Variants in TBC1D32 observed in about 807,000 individuals in gnomAD.
The protein encoded by TBC1D32 is TBC1 domain family member 32.
Under a neutral mutation model 170.3 loss-of-function variants are expected in TBC1D32, and 151 were observed. The ratio of observed to expected loss-of-function variants is 0.89; its 90% confidence interval spans 0.78 to 1.01. The LOEUF (loss-of-function observed/expected upper bound fraction) is 1.01, where lower values mean the gene tolerates loss of function less well. TBC1D32 is among the 50% of genes least tolerant of loss of function. TBC1D32 has a pLI of 0.00. For synonymous variants in TBC1D32, 498 were observed against 488.0 expected (o/e 1.02, Z -0.27); for missense variants, 1,464 against 1,457.1 (o/e 1.00, Z -0.08).
intron 24 of TBC1D32, among the ~76,000 whole-genome samples, chr6:121,150,917 G>A (rs944658058): frequency 1.1e-4 from 16 of 151,908 alleles, no homozygotes; most frequent in African/African-American, 3.9e-4. Context: ...AGTCTGGCTA[G>A]TGGTCTATCT....
chr6:121,254,047 T>C (rs1276408719), intron 17 of TBC1D32, among the ~76,000 whole-genome samples: 1 of 151,508 alleles, frequency 6.6e-6, no homozygotes, highest in African/African-American at 2.4e-5. Context: ...CATGGAATAC[T>C]ACTCAGTCAT....
intron 25 of TBC1D32, 28 bp downstream of exon 25, chr6:121,131,599 A>G (rs1737787042): frequency 2.5e-6 from 4 of 1,587,464 alleles, no homozygotes; most frequent in Non-Finnish European, 3.4e-6. Context: ...ATACATAAGA[A>G]AACCCACAAT....
intron 22 of TBC1D32, among the ~76,000 whole-genome samples, chr6:121,181,942 A>G (rs1420015087): frequency 1.3e-5 from 2 of 152,124 alleles, no homozygotes; most frequent in East Asian, 3.8e-4. Context: ...GGAAGTAGGG[A>G]GTAAAATGGT....
At chr6:121,226,956 G>T (rs1307143970) in intron 20 of TBC1D32, among the ~76,000 whole-genome samples, 1 of 147,308 alleles carries the variant, frequency 6.8e-6, no homozygotes, top group East Asian at 1.9e-4. Context: ...TAAAGTAGGG[G>T]TGTCCAATAT....
chr6:121,189,653 C>G (rs1285302764), intron 22 of TBC1D32, among the ~76,000 whole-genome samples: 2 of 151,992 alleles, frequency 1.3e-5, no homozygotes, highest in Non-Finnish European at 2.9e-5. Context: ...CTATACACAG[C>G]TGCATAGCAT....
In TBC1D32 at chr6:121,256,275, C is replaced by A. The variant is rs755465061; in HGVS notation, c.1744G>T (p.Ala582Ser). 27 of 1,611,490 alleles carry A rather than the reference C, an allele frequency of 1.7e-5. No homozygotes were observed. The highest frequency in any genetic ancestry group is 1.3e-5 in the Non-Finnish European group (15 of 1,178,820). ...MNSSEESPTG[A>S]HIIAQFSKKL... ...TTCGAAAACTGGGCAATTATATGAG[C>A]ACCTGTAGGACTAAAAGATGATACC... is the stretch of plus-strand genomic sequence containing the variant. Residue 582 changes from alanine to serine, a missense_variant, in exon 16 of 32, where the codon GCT becomes TCT. By Grantham distance (99) the Ala-to-Ser change is moderately conservative. This residue lies in a region of TBC1D32 where 1,363 missense variants were observed against 1,338.1 expected (regional missense o/e 1.02). Coordinates refer to ENST00000398212, the MANE Select transcript of TBC1D32 (RefSeq NM_152730.6).
intron 20 of TBC1D32, among the ~76,000 whole-genome samples, chr6:121,230,865 G>T (rs6914273): frequency 0.086 from 12,992 of 151,870 alleles, 576 homozygotes; most frequent in South Asian, 0.19. Flanking sequence ...AGTAGTGATT[G>T]CTGAGACTCT....
chr6:121,136,914 T>C (rs1452330402), intron 24 of TBC1D32, among the ~76,000 whole-genome samples: 5 of 152,172 alleles, frequency 3.3e-5, no homozygotes, highest in Non-Finnish European at 7.4e-5. Context: ...TACTAAAATA[T>C]GAGCAGTTAT....
intron 17 of TBC1D32, among the ~76,000 whole-genome samples, chr6:121,250,178 T>C (rs1798111529): frequency 6.6e-6 from 1 of 152,068 alleles, no homozygotes; most frequent in Admixed American, 6.6e-5. Flanking sequence ...GCTGGTACCA[T>C]TCCTTCTGCA....
intron 24 of TBC1D32, 72 bp from the exon 25 acceptor site, chr6:121,131,824 T>A: frequency 8.3e-7 from 1 of 1,208,402 alleles, no homozygotes; most frequent in South Asian, 1.6e-5. Context: ...ATGTTAACTA[T>A]GTAAACAGTT....
intron 26 of TBC1D32, among the ~76,000 whole-genome samples, chr6:121,117,257 C>T (rs992441290): frequency 6.6e-6 from 1 of 152,092 alleles, no homozygotes; most frequent in Non-Finnish European, 1.5e-5. Flanking sequence ...AAACAAACAT[C>T]GAACATCCAT....
At chr6:121,100,677 C>T (rs1777937099) in intron 30 of TBC1D32, among the ~76,000 whole-genome samples, 1 of 151,942 alleles carries the variant, frequency 6.6e-6, no homozygotes, top group African/African-American at 2.4e-5. Flanking sequence ...ATTAAAAGAA[C>T]TAGAGAAGCA....
At chr6:121,286,337 G>A (rs141419155) in intron 12 of TBC1D32, among the ~76,000 whole-genome samples, 10,174 of 152,250 alleles carry the variant, frequency 0.067, 624 homozygotes, top group Admixed American at 0.21. Context: ...ACTACGTGAC[G>A]AATGCACAAG....
chr6:121,091,986 A>G (rs1168059102), intron 30 of TBC1D32, among the ~76,000 whole-genome samples: 1 of 152,172 alleles, frequency 6.6e-6, no homozygotes, highest in African/African-American at 2.4e-5. Context: ...AGCAATATGT[A>G]TCTGCAAGCT....
intron 5 of TBC1D32, among the ~76,000 whole-genome samples, chr6:121,307,150 G>A (rs542407280): frequency 6.6e-5 from 10 of 152,080 alleles, no homozygotes; most frequent in African/African-American, 2.4e-4. Context: ...TGAGGCTGGA[G>A]GATCGCTTGA....
intron 1 of TBC1D32, among the ~76,000 whole-genome samples, chr6:121,333,285 C>T (rs1237517326): frequency 6.6e-6 from 1 of 152,072 alleles, no homozygotes; most frequent in Non-Finnish European, 1.5e-5. Context: ...AATTCAGAGG[C>T]TTAACTTAAA....
At chr6:121,098,217 AAT>A (rs1430315157) in intron 30 of TBC1D32, among the ~76,000 whole-genome samples, 27 of 151,486 alleles carry the variant, frequency 1.8e-4, no homozygotes, top group African/African-American at 6.3e-4. Context: ...TAATAATAAT[AAT>A]AAAACATTAA....
At chr6:121,145,948 G>T (rs1783376208) in intron 24 of TBC1D32, among the ~76,000 whole-genome samples, 1 of 152,130 alleles carries the variant, frequency 6.6e-6, no homozygotes, top group Non-Finnish European at 1.5e-5. Flanking sequence ...TAGACATAGG[G>T]CAAGTAGAAC....
At chr6:121,245,557 A>G (rs1018138856) in intron 17 of TBC1D32, among the ~76,000 whole-genome samples, 2 of 152,178 alleles carry the variant, frequency 1.3e-5, no homozygotes, top group African/African-American at 2.4e-5. Flanking sequence ...CTCTCTATCC[A>G]ATAGGCAGAC....
Sources: allele counts gnomAD v4.1 joint callset (sites outside exome capture counted in the v4.1 genomes callset), GRCh38; gene constraint gnomAD v4.1.1; regional missense constraint gnomAD v4.1.1; transcripts MANE v1.5; gene names NCBI Gene and HGNC (gene_info 2026-07-23, HGNC 2026-07-21).